CDS1: variants seen among roughly 807,000 people sequenced by gnomAD.
The protein encoded by CDS1 is CDP-diacylglycerol synthase 1, also known as phosphatidate cytidylyltransferase 1.
In CDS1, 41 loss-of-function variants were observed where a neutral mutation model predicts 62.1. That is an observed-to-expected ratio of 0.66 (90% confidence interval 0.51 to 0.86). The LOEUF is 0.86. Ranked by LOEUF, CDS1 falls within the 40% of genes least tolerant of loss-of-function variation. CDS1 has a pLI of 0.00. For missense variants in CDS1, 470 were observed against 550.1 expected (o/e 0.85, Z 1.46); for synonymous variants, 185 against 192.6 (o/e 0.96, Z 0.32).
chr4:84,624,866 G>T (rs1290434463), intron 5 of CDS1, among the ~76,000 whole-genome samples: 2 of 116,044 alleles, frequency 1.7e-5, no homozygotes, highest in Non-Finnish European at 4.1e-5. Context: ...TCAATGTTGT[G>T]TCTTTTTTTT....
intron 2 of CDS1, among the ~76,000 whole-genome samples, chr4:84,609,193 A>G (rs997592018): frequency 1.3e-5 from 2 of 151,652 alleles, no homozygotes; most frequent in African/African-American, 4.8e-5. Flanking sequence ...AAAAAAAAAA[A>G]AAAAAAAAGA....
At chr4:84,625,475 G>A (rs1431466380) in intron 5 of CDS1, among the ~76,000 whole-genome samples, 1 of 152,258 alleles carries the variant, frequency 6.6e-6, no homozygotes, top group Non-Finnish European at 1.5e-5. Flanking sequence ...AGGCCTTTGA[G>A]AAGAGATGAC....
intron 5 of CDS1, among the ~76,000 whole-genome samples, chr4:84,624,135 G>C (rs980565014): frequency 6.6e-6 from 1 of 151,734 alleles, no homozygotes; most frequent in South Asian, 2.1e-4. Flanking sequence ...TTAGCTGGGC[G>C]TGGTGGTGGG....
At chr4:84,641,682 A>G (rs1724388570) in intron 10 of CDS1, among the ~76,000 whole-genome samples, 1 of 152,204 alleles carries the variant, frequency 6.6e-6, no homozygotes, top group Admixed American at 6.5e-5. Context: ...CTTCCTTGAA[A>G]GGTATCTTGG....
At chr4:84,599,561 T>C (rs1180219832) in intron 1 of CDS1, among the ~76,000 whole-genome samples, 1 of 151,508 alleles carries the variant, frequency 6.6e-6, no homozygotes, top group Non-Finnish European at 1.5e-5. Context: ...TAATCTGCTT[T>C]CTGGCACTAT....
At chr4:84,631,645 C>T (rs2148655019) in intron 5 of CDS1, among the ~76,000 whole-genome samples, 174 bp from the exon 6 acceptor site, 1 of 152,232 alleles carries the variant, frequency 6.6e-6, no homozygotes, top group African/African-American at 2.4e-5. Flanking sequence ...AGATTGTTTC[C>T]CTCAAGAAAC....
chr4:84,645,460 G>C (rs1414254634), intron 12 of CDS1, 135 bp downstream of exon 12: 5 of 613,306 alleles, frequency 8.2e-6, no homozygotes, highest in Non-Finnish European at 1.4e-5. Flanking sequence ...CCTGGAATTA[G>C]AGTCTTGAGC....
At chr4:84,641,137 G>A (rs552336644) in intron 10 of CDS1, 147 bp downstream of exon 10, 47 of 492,404 alleles carry the variant, frequency 9.5e-5, no homozygotes, top group Admixed American at 2.2e-4. Context: ...GTGTAGTGGC[G>A]TAATCTCAAC....
chr4:84,604,486 CA>C, intron 2 of CDS1, 116 bp downstream of exon 2: 7 of 865,736 alleles, frequency 8.1e-6, no homozygotes, highest in Middle Eastern at 3.2e-4. Flanking sequence ...ATTAGGTGGT[CA>C]AAAAGGCCAC....
At chr4:84,587,220 A>T (rs1256595494) in intron 1 of CDS1, among the ~76,000 whole-genome samples, 1 of 152,092 alleles carries the variant, frequency 6.6e-6, no homozygotes, top group Non-Finnish European at 1.5e-5. Flanking sequence ...TTGTATTTGT[A>T]TATATTTATA....
At chr4:84,636,011 C>T (rs1724197477) in intron 8 of CDS1, among the ~76,000 whole-genome samples, 1 of 151,978 alleles carries the variant, frequency 6.6e-6, no homozygotes, top group Non-Finnish European at 1.5e-5. Flanking sequence ...CCCATTTCAG[C>T]CTCCCAAAGT....
chr4:84,598,043 G>C (rs1033465957), intron 1 of CDS1, among the ~76,000 whole-genome samples: 1 of 151,176 alleles, frequency 6.6e-6, no homozygotes, highest in Non-Finnish European at 1.5e-5. Context: ...AGAGAATGGC[G>C]TGAACCCGGG....
At position 84,648,559 on chromosome 4, in the gene CDS1, G is replaced by T; in HGVS notation, c.1259G>T (p.Gly420Val). The change falls in exon 13 of 13, where the codon GGC becomes GTC. Residue 420 changes from glycine to valine, a missense_variant and splice_region_variant. Physicochemically the swap from Gly to Val is moderately radical, Grantham distance 109. This residue lies in a region of CDS1 where 68 missense variants were observed against 81.5 expected (regional missense o/e 0.83). Coordinates refer to ENST00000295887, the MANE Select transcript of CDS1 (RefSeq NM_001263.4). ...VHVYITSFIR[G>V]PNPSKVLQQL... is the part of the protein sequence containing the mutation. ...TCTTCTTTGCCTTTTATCATTAGGGGCCCAAATCCCAGCAAAGTGCTACAG... is the reference window on the plus strand; with the variant it reads ...TCTTCTTTGCCTTTTATCATTAGGGTCCCAAATCCCAGCAAAGTGCTACAG... 1 of 1,612,412 alleles carries T rather than the reference G, an allele frequency of 6.2e-7. No individual in the cohort carries two copies. The highest frequency in any genetic ancestry group is 8.5e-7 in the Non-Finnish European group (1 of 1,179,328).
intron 11 of CDS1, among the ~76,000 whole-genome samples, chr4:84,644,749 AAAAG>A (rs1004210784): frequency 1.3e-5 from 2 of 152,210 alleles, no homozygotes; most frequent in African/African-American, 4.8e-5. Context: ...AACACTTAAA[AAAAG>A]AAGAAGAAAT....
Position 84,650,699 on chromosome 4 carries a change from TATTTGGG to T in CDS1, c.*2016_*2022del, listed in dbSNP as rs1724706562. The T allele has an allele frequency of 6.6e-6, 1 of 152,218 alleles. No homozygotes were observed. The highest frequency in any genetic ancestry group is 6.5e-5 in the Admixed American group (1 of 15,276). The allele number at this position is 152,218 out of a possible 1,614,324, so 9.4% of individuals were successfully genotyped here. The stretch of plus-strand genomic sequence containing the variant: ...TATAAACAAAATAGGAAGCTAGAAA[TATTTGGG>T]ATCACAGTAATAGCTTTTCTCAAAT... On this transcript the variant is annotated 3_prime_UTR_variant, in exon 13 of 13. Transcript: ENST00000295887.
chr4:84,616,230 A>G (rs193200735), intron 3 of CDS1, among the ~76,000 whole-genome samples: 3 of 152,366 alleles, frequency 2.0e-5, no homozygotes, highest in Non-Finnish European at 2.9e-5. Flanking sequence ...GAAGAAGGAC[A>G]CTTAGATTTC....
rs33991933 is a variant in CDS1 at position 84,619,044 on chromosome 4, TACACACACAC to T, written c.441-317_441-308del. Reference sequence around the variant, plus strand: ...ACATACACACAAAGTATTAAATTTATACACACACACACACACACACACACACACACACACA... The same window carrying T: ...ACATACACACAAAGTATTAAATTTATACACACACACACACACACACACACA... On this transcript the variant is annotated intron_variant, in intron 4 of 12. Coordinates refer to ENST00000295887, the MANE Select transcript of CDS1 (RefSeq NM_001263.4). 9.2e-3 allele frequency among the ~76,000 whole-genome samples: 1,296 copies of T among 140,990 alleles called. 12 individuals are homozygous for T. The highest frequency in any genetic ancestry group is 0.027 in the African/African-American group (1,033 of 38,678). The allele number at this position is 140,990 out of a possible 152,430, so 92.5% of individuals were successfully genotyped here. A position where few individuals can be genotyped will look rare whatever the true frequency, so the allele number is the denominator to read the frequency against.
intron 8 of CDS1, among the ~76,000 whole-genome samples, chr4:84,637,194 G>A (rs988933156): frequency 4.6e-5 from 7 of 152,110 alleles, no homozygotes; most frequent in Non-Finnish European, 7.4e-5. Context: ...TTTTTAAAAC[G>A]TTTCTAAAGC....
At position 84,646,455 on chromosome 4, in the gene CDS1, A is replaced by G. The variant is rs144741690; in HGVS notation, c.1256+1130A>G. Among the ~76,000 whole-genome samples the G allele has an allele frequency of 2.8e-3, 421 of 152,248 alleles. 2 individuals carry two copies. The highest frequency in any genetic ancestry group is 9.9e-3 in the African/African-American group (411 of 41,550). On this transcript the variant is annotated intron_variant, in intron 12 of 12. Coordinates refer to ENST00000295887, the MANE Select transcript of CDS1 (RefSeq NM_001263.4). Reference sequence around the variant, plus strand: ...TTATCTAATTTATCCATTGAAGACTATTAAGTATCACTTTATCCTCTTCCT... The same window carrying G: ...TTATCTAATTTATCCATTGAAGACTGTTAAGTATCACTTTATCCTCTTCCT...
Sources: allele counts gnomAD v4.1 joint callset (sites outside exome capture counted in the v4.1 genomes callset), GRCh38; gene constraint gnomAD v4.1.1; regional missense constraint gnomAD v4.1.1; transcripts MANE v1.5; gene names NCBI Gene and HGNC (gene_info 2026-07-23, HGNC 2026-07-21).